Variants in CLTCL1 observed in about 807,000 individuals in gnomAD.
CLTCL1 encodes the protein clathrin heavy chain like 1.
A neutral mutation model predicts 190.0 loss-of-function variants in CLTCL1; 159 were observed. The observed-to-expected ratio is 0.84, with a 90% CI of 0.74 to 0.95. The LOEUF (loss-of-function observed/expected upper bound fraction) is 0.95. CLTCL1 is among the 40% of genes least tolerant of loss of function. The pLI, the probability that CLTCL1 is intolerant of heterozygous loss-of-function variation, is 0.00. For missense variants in CLTCL1, 1,878 were observed against 2,033.4 expected (o/e 0.92, Z 1.47); for synonymous variants, 752 against 769.6 (o/e 0.98, Z 0.38).
chr22:19,287,536 C>T (rs974820311), intron 1 of CLTCL1, among the ~76,000 whole-genome samples: 6 of 152,158 alleles, frequency 3.9e-5, no homozygotes, highest in African/African-American at 1.4e-4. Flanking sequence ...AAACCACTCC[C>T]TGAAGGACTT....
Position 19,221,454 on chromosome 22 carries a change from G to C in CLTCL1, c.2719C>G (p.Arg907Gly). ...TGGGGGTCTCGCTTCTCACAGTAGC[G>C]GCCCACCACGCTGCTGTCATAGTAG... ...NAYYDSSVVGRYCEKRDPHLA... is the reference protein window; with the variant it reads ...NAYYDSSVVGGYCEKRDPHLA... The change falls in exon 17 of 33, where the codon CGC (arginine) becomes GGC (glycine). Residue 907 changes from arginine (R) to glycine (G), a missense_variant. Transcript: ENST00000427926. 1 of 1,579,856 alleles carries C rather than the reference G, an allele frequency of 6.3e-7. No homozygotes were observed. Among genetic ancestry groups the C allele is most frequent in the Admixed American group, 1.8e-5 (1 of 54,558 alleles).
In CLTCL1 at chr22:19,211,639, C is replaced by T. The variant is rs62223884; in HGVS notation, c.3066-1130G>A. ...AAAATTAGCTGGGCGTGGTGGCAGG[C>T]GCCTGTAGTCCCAGCTACTGGGGAG... On this transcript the variant is annotated intron_variant, in intron 19 of 32. Transcript: ENST00000427926. Among the ~76,000 whole-genome samples the T allele has an allele frequency of 2.8e-3, 426 of 151,848 alleles. 2 individuals carry two copies. Among genetic ancestry groups the T allele is most frequent in the Non-Finnish European group, 4.0e-3 (275 of 67,948 alleles).
At chr22:19,188,576 G>A (rs1353048414) in intron 27 of CLTCL1, among the ~76,000 whole-genome samples, 1 of 151,646 alleles carries the variant, frequency 6.6e-6, no homozygotes, top group African/African-American at 2.4e-5. Context: ...ACAAGTGGTG[G>A]CTGTTGAAGG....
intron 31 of CLTCL1, 99 bp downstream of exon 31, chr22:19,180,632 T>G (rs1601412530): frequency 8.5e-7 from 1 of 1,181,002 alleles, no homozygotes; most frequent in Non-Finnish European, 1.2e-6. Flanking sequence ...ACCCATCTAT[T>G]CCCATCCCCA....
intron 16 of CLTCL1, 31 bp from the exon 17 acceptor site, chr22:19,221,642 C>T (rs2085573659): frequency 1.3e-6 from 2 of 1,533,322 alleles, no homozygotes; most frequent in Admixed American, 2.0e-5. Flanking sequence ...TGTAAAGTCT[C>T]AAGGCTACCA....
In CLTCL1 at chr22:19,279,243, C is replaced by G. The variant is rs1479615506; in HGVS notation, c.43-3413G>C. On this transcript the variant is annotated intron_variant, in intron 1 of 32. Transcript: ENST00000427926. ...CTCCGCTTCCCGAGTTCCAGCAATT[C>G]TCCTGCCTCACCCTCCCGAGTAGCT... Among the ~76,000 whole-genome samples the G allele has an allele frequency of 2.6e-5, 4 of 152,192 alleles. No individual in the cohort carries two copies. In the East Asian group the frequency reaches 7.7e-4, roughly 29 times the overall value.
intron 2 of CLTCL1, chr22:19,257,849 G>A (rs781965357): frequency 1.9e-5 from 27 of 1,419,344 alleles, no homozygotes; most frequent in Non-Finnish European, 2.3e-5. Context: ...AGAGGCTGGA[G>A]AGCAAAAACC....
chr22:19,243,272 G>A (rs1601626490), intron 3 of CLTCL1, among the ~76,000 whole-genome samples: 1 of 152,190 alleles, frequency 6.6e-6, no homozygotes, highest in African/African-American at 2.4e-5. Context: ...ATCGGGGGAT[G>A]CAATCACAGG....
At chr22:19,188,141 G>T in intron 27 of CLTCL1, 50 bp from the exon 28 acceptor site, 2 of 1,552,296 alleles carry the variant, frequency 1.3e-6, no homozygotes, top group Non-Finnish European at 8.9e-7. Context: ...TTGTTATGGG[G>T]ACACTAGGCA....
intron 20 of CLTCL1, chr22:19,209,353 G>A (rs1555945161): frequency 2.4e-6 from 1 of 408,804 alleles, no homozygotes; most frequent in African/African-American, 2.0e-5. Flanking sequence ...GCACAGAGAT[G>A]GAGATAGCCA....
At chr22:19,183,669 A>G in intron 29 of CLTCL1, 58 bp from the exon 30 acceptor site, 2 of 1,566,744 alleles carry the variant, frequency 1.3e-6, no homozygotes, top group Non-Finnish European at 1.7e-6. Flanking sequence ...TTGTGCCTGC[A>G]GCAGCTGGGC....
In CLTCL1 at chr22:19,198,967, C is replaced by T. The variant is rs571528165; in HGVS notation, c.3873+767G>A. Among the ~76,000 whole-genome samples, 1 of 152,282 alleles carries T rather than the reference C, an allele frequency of 6.6e-6. No homozygotes were observed. The highest frequency in any genetic ancestry group is 6.5e-5 in the Admixed American group (1 of 15,294). ...TCCAGTTCATTTCTCAGGCGCCTCT[C>T]TGGGGGTGGGAAAGCATTTCTCATT... On this transcript the variant is annotated intron_variant, in intron 24 of 32. Coordinates refer to ENST00000427926, the MANE Select transcript of CLTCL1 (RefSeq NM_007098.4). The surrounding 1 kb of genome is among the most constrained non-coding windows in gnomAD (Gnocchi z 4.1).
intron 1 of CLTCL1, among the ~76,000 whole-genome samples, chr22:19,278,700 G>C (rs567904666): frequency 1.1e-4 from 17 of 152,180 alleles, no homozygotes; most frequent in African/African-American, 4.1e-4. Context: ...AACATCCAAG[G>C]TCATAAATTC....
chr22:19,225,644 G>T lies in CLTCL1; in HGVS notation c.1948-11C>A, dbSNP rs552850920. The T allele has an allele frequency of 1.9e-6, 3 of 1,563,336 alleles. No homozygotes were observed. The highest frequency in any genetic ancestry group is 2.7e-5 in the African/African-American group (2 of 73,654). ...GAAATTGACAAGCCACTGGGAACAA[G>T]GAAGAGTCTGTCCACAACGATGCAC... On this transcript the variant is annotated splice_polypyrimidine_tract_variant and intron_variant, in intron 12 of 32. Transcript: ENST00000427926.
At chr22:19,212,587 GAAAGAAAGAAAGA>G (rs1555947431) in intron 19 of CLTCL1, among the ~76,000 whole-genome samples, 3 of 101,894 alleles carry the variant, frequency 2.9e-5, no homozygotes, top group African/African-American at 1.1e-4. Flanking sequence ...GAAAGAAAGA[GAAAGAAAGAAAGA>G]AAGGAAGGAA....
chr22:19,271,972 G>A (rs1191138895), intron 2 of CLTCL1, among the ~76,000 whole-genome samples: 2 of 152,178 alleles, frequency 1.3e-5, no homozygotes, highest in Non-Finnish European at 2.9e-5. Context: ...AGCTGGGCAT[G>A]GTGGCATGTG....
intron 13 of CLTCL1, among the ~76,000 whole-genome samples, chr22:19,224,782 C>T (rs941922207): frequency 6.6e-6 from 1 of 152,152 alleles, no homozygotes; most frequent in Admixed American, 6.6e-5. Flanking sequence ...AAAGAGAAGG[C>T]CAGTTCCCTG....
intron 4 of CLTCL1, among the ~76,000 whole-genome samples, chr22:19,241,705 C>T (rs117099044): frequency 0.016 from 2,440 of 152,332 alleles, 31 homozygotes; most frequent in Non-Finnish European, 0.022. Flanking sequence ...GTCTCCCTGA[C>T]ATCACAAGCT....
intron 1 of CLTCL1, among the ~76,000 whole-genome samples, chr22:19,282,912 A>G (rs1555987822): frequency 6.9e-6 from 1 of 145,784 alleles, no homozygotes; most frequent in Admixed American, 7.0e-5. Context: ...TCTGTCACCC[A>G]GGCTGGAGTG....
Sources: allele counts gnomAD v4.1 joint callset (sites outside exome capture counted in the v4.1 genomes callset), GRCh38; gene constraint gnomAD v4.1.1; non-coding constraint Gnocchi (gnomAD v3.1); transcripts MANE v1.5; gene names NCBI Gene and HGNC (gene_info 2026-07-23, HGNC 2026-07-21).